The following EGF variants were observed in gnomAD, a reference collection of about 807,000 sequenced individuals.
EGF encodes the protein epidermal growth factor.
Under a neutral mutation model 143.8 loss-of-function variants are expected in EGF, and 95 were observed. That is an observed-to-expected ratio of 0.66 (90% CI 0.56 to 0.78). The LOEUF is 0.78. Among genes scored for constraint, EGF ranks in the 30% least tolerant of loss-of-function variants. EGF has a pLI of 0.00. For synonymous variants in EGF, 510 were observed against 510.5 expected (o/e 1.00, Z 0.01); for missense variants, 1,320 against 1,470.9 (o/e 0.90, Z 1.68).
chr4:109,998,363 A>G (rs1752110516), intron 20 of EGF, among the ~76,000 whole-genome samples: 2 of 152,222 alleles, frequency 1.3e-5, no homozygotes, highest in African/African-American at 4.8e-5. Context: ...ATAGCTTTTC[A>G]GAGGTGAATA....
chr4:109,940,789 C>A, intron 1 of EGF, 157 bp from the exon 2 acceptor site: 1 of 712,222 alleles, frequency 1.4e-6, no homozygotes, highest in African/African-American at 1.8e-5. Flanking sequence ...TGAATATCTA[C>A]AGGAACTCTT....
intron 12 of EGF, among the ~76,000 whole-genome samples, chr4:109,975,613 C>T (rs138600478): frequency 1.3e-5 from 2 of 152,264 alleles, no homozygotes; most frequent in African/African-American, 4.8e-5. Context: ...TTTACAAATG[C>T]AGTGAATTTT....
chr4:110,009,586 G>A (rs11569133), intron 23 of EGF, among the ~76,000 whole-genome samples: 233 of 151,872 alleles, frequency 1.5e-3, no homozygotes, highest in African/African-American at 5.2e-3. Flanking sequence ...TTTTCCCCCC[G>A]CACTGTACTG....
At chr4:109,941,702 T>C (rs948094396) in intron 2 of EGF, among the ~76,000 whole-genome samples, 2 of 152,198 alleles carry the variant, frequency 1.3e-5, no homozygotes, top group Non-Finnish European at 2.9e-5. Context: ...GTTTTATCTG[T>C]ATAAAATCTC....
chr4:109,988,716 G>A lies in EGF; in HGVS notation c.2734+7G>A. On this transcript the variant is annotated splice_region_variant and intron_variant, in intron 18 of 23. Coordinates refer to ENST00000265171, the MANE Select transcript of EGF (RefSeq NM_001963.6). ...GATGGGATTCACTGTCTTGGTAAGA[G>A]GACACATGTGCTGGGGAGGAGGGCA... 3 of 1,613,776 alleles carry A rather than the reference G, an allele frequency of 1.9e-6. No homozygotes were observed. Among genetic ancestry groups the A allele is most frequent in the East Asian group, 2.2e-5 (1 of 44,876 alleles).
At chr4:109,929,872 T>C (rs1355501160) in intron 1 of EGF, among the ~76,000 whole-genome samples, 1 of 152,206 alleles carries the variant, frequency 6.6e-6, no homozygotes, top group Non-Finnish European at 1.5e-5. Flanking sequence ...TTGTGCTTGA[T>C]ATGGTTGGCT....
intron 1 of EGF, among the ~76,000 whole-genome samples, chr4:109,918,229 T>C (rs1462120134): frequency 6.6e-6 from 1 of 151,754 alleles, no homozygotes; most frequent in Non-Finnish European, 1.5e-5. Flanking sequence ...ATAAGCTCTG[T>C]TCCTTTCTCT....
intron 11 of EGF, among the ~76,000 whole-genome samples, chr4:109,970,824 C>CAAAAAAAA (rs371512157): frequency 0.061 from 4,466 of 72,746 alleles, 291 homozygotes; most frequent in East Asian, 0.16. Flanking sequence ...GACTCCGTCT[C>CAAAAAAAA]AAAAAAAAAA....
At chr4:109,996,785 G>A (rs886735890) in intron 20 of EGF, among the ~76,000 whole-genome samples, 3 of 152,148 alleles carry the variant, frequency 2.0e-5, no homozygotes, top group African/African-American at 7.2e-5. Flanking sequence ...CATGCCCAAG[G>A]TATTCCTCGA....
rs768040925 is a variant in EGF, at chr4:109,975,962, ATAATT to A, written c.1830-47_1830-43del. 821 of 1,559,750 alleles carry A rather than the reference ATAATT, an allele frequency of 5.3e-4. 4 individuals are homozygous for A. The highest frequency in any genetic ancestry group is 1.7e-4 in the Admixed American group (10 of 59,924). On this transcript the variant is annotated intron_variant, in intron 12 of 23. Coordinates refer to ENST00000265171, the MANE Select transcript of EGF (RefSeq NM_001963.6). ...ATATTTTCAATGATGAAAGAACAGAATAATTTATTTCATGCAGATATTATTTGTTG... is the reference window on the plus strand; with the variant it reads ...ATATTTTCAATGATGAAAGAACAGAATATTTCATGCAGATATTATTTGTTG...
chr4:109,969,073 C>T lies in EGF; in HGVS notation c.1678C>T (p.Leu560Phe). 6.2e-7 allele frequency: 1 copy of T among 1,613,928 alleles called. No homozygotes were observed. Among genetic ancestry groups the T allele is most frequent in the Non-Finnish European group, 8.5e-7 (1 of 1,179,934 alleles). ...GGAAGGAGTAGATGTGCCAGAAGGT[C>T]TTGCTGTGGACTGGATTGGCCGTAG... ...IEEGVDVPEG[L>F]AVDWIGRRFY... Residue 560 changes from leucine (L) to phenylalanine (F), a missense_variant, in exon 11 of 24, where the codon CTT becomes TTT. Physicochemically the swap from Leu to Phe is conservative, Grantham distance 22 (BLOSUM62 0). Transcript: ENST00000265171.
intron 1 of EGF, among the ~76,000 whole-genome samples, chr4:109,933,925 T>C (rs1315286449): frequency 6.6e-6 from 1 of 152,216 alleles, no homozygotes; most frequent in Non-Finnish European, 1.5e-5. Flanking sequence ...TGTAATCCTT[T>C]GGGTATATAT....
intron 20 of EGF, 75 bp from the exon 21 acceptor site, chr4:109,999,604 T>G: frequency 1.3e-6 from 2 of 1,583,702 alleles, no homozygotes; most frequent in Non-Finnish European, 1.7e-6. Context: ...GAGAGACAGC[T>G]GAATACTGAG....
rs1440519437 is a variant in EGF at position 109,961,921 on chromosome 4, A to C, written c.1248A>C (p.Ser416=). 2 of 1,613,894 alleles carry C rather than the reference A, an allele frequency of 1.2e-6. No individual in the cohort carries two copies. The highest frequency in any genetic ancestry group is 1.7e-6 in the Non-Finnish European group (2 of 1,179,890). The part of the protein sequence containing the change: ...SECSHDCVLT[S]EGPLCFCPEG... ...GCAGCCATGACTGTGTTCTGACATC[A>C]GAAGGTCCCTTATGTTTCTGTCCTG... The change falls in exon 8 of 24, where the codon TCA becomes TCC. Residue 416 remains serine, a synonymous_variant. Transcript: ENST00000265171.
rs1198353769 is a variant in EGF, at chr4:110,011,381, T to C, written c.3550T>C (p.Ser1184Pro). Residue 1184 changes from serine to proline, a missense_variant, in exon 24 of 24, where the codon TCT (serine) becomes CCT (proline). Physicochemically the swap from Ser to Pro is moderately conservative, Grantham distance 74. This residue lies in a region of EGF where 1,186 missense variants were observed against 1,313.7 expected (regional missense o/e 0.90). Transcript: ENST00000265171. ...TGAAGGGGGTGTCGAGAAGCCCCAT[T>C]CTCTCCTATCAGCTAACCCATTATG... is the stretch of plus-strand genomic sequence containing the variant. ...TLEGGVEKPH[S>P]LLSANPLWQQ... 6 of 1,614,070 alleles carry C rather than the reference T, an allele frequency of 3.7e-6. No individual in the cohort carries two copies. The East Asian group carries it at 1.1e-4, about 30-fold the overall frequency.
chr4:109,918,732 G>A (rs1560622154), intron 1 of EGF, among the ~76,000 whole-genome samples: 2 of 152,174 alleles, frequency 1.3e-5, no homozygotes, highest in African/African-American at 4.8e-5. Flanking sequence ...AGCTGTGAGG[G>A]GACAGACTTT....
chr4:109,983,316 T>C, intron 15 of EGF, 106 bp from the exon 16 acceptor site: 1 of 1,314,636 alleles, frequency 7.6e-7, no homozygotes, highest in Non-Finnish European at 1.1e-6. Flanking sequence ...ACTGTAAGAA[T>C]GAGTCTGAAC....
intron 22 of EGF, 119 bp downstream of exon 22, chr4:110,004,741 C>A: frequency 1.9e-6 from 1 of 537,294 alleles, no homozygotes; most frequent in Non-Finnish European, 3.0e-6. Context: ...CAGCTGGTGT[C>A]AGTGTTAGCC....
rs1560668496 is a variant in EGF at position 109,945,166 on chromosome 4, A to G, written c.831A>G (p.Gly277=). ...TTTGGATAGCCAACAAACACACTGGAAAGGACATGGTTAGAATTAACCTCC... is the reference window on the plus strand; with the variant it reads ...TTTGGATAGCCAACAAACACACTGGGAAGGACATGGTTAGAATTAACCTCC... ...KTIWIANKHT[G]KDMVRINLHS... Residue 277 remains glycine (G), a synonymous_variant, in exon 5 of 24, where the codon GGA becomes GGG. Transcript: ENST00000265171. The G allele has an allele frequency of 2.5e-6, 4 of 1,614,054 alleles. No homozygotes were observed. In the Admixed American group the frequency reaches 6.7e-5, roughly 27 times the overall value.
Sources: allele counts gnomAD v4.1 joint callset (sites outside exome capture counted in the v4.1 genomes callset), GRCh38; gene constraint gnomAD v4.1.1; regional missense constraint gnomAD v4.1.1; transcripts MANE v1.5; gene names NCBI Gene and HGNC (gene_info 2026-07-23, HGNC 2026-07-21).